NKAIN3: variants seen among roughly 807,000 people sequenced by gnomAD.
NKAIN3 encodes the protein sodium/potassium transporting ATPase interacting 3.
Under a neutral mutation model 30.2 loss-of-function variants are expected in NKAIN3, and 25 were observed. That is an observed-to-expected ratio of 0.83 (90% CI 0.60 to 1.16). NKAIN3 has a LOEUF of 1.16. Ranked by LOEUF, NKAIN3 falls within the 50% of genes most tolerant of loss-of-function variation. NKAIN3 has a pLI of 0.00. For missense variants in NKAIN3, 225 were observed against 254.1 expected, an observed-to-expected ratio of 0.89 and a Z score of 0.78; for synonymous variants, 91 against 89.6, an observed-to-expected ratio of 1.02 and a Z score of -0.09.
chr8:62,558,218 A>G (rs1293314080), intron 1 of NKAIN3, among the ~76,000 whole-genome samples: 6 of 152,020 alleles, frequency 3.9e-5, no homozygotes, highest in Non-Finnish European at 8.8e-5. Context: ...ATTTGGCTTT[A>G]AGTATTTGGG....
At chr8:62,828,560 G>A (rs988253903) in intron 4 of NKAIN3, among the ~76,000 whole-genome samples, 24 of 152,120 alleles carry the variant, frequency 1.6e-4, no homozygotes, top group Non-Finnish European at 3.1e-4. Flanking sequence ...GAAATAATGA[G>A]GTTAATATAA....
chr8:62,851,226 T>C lies in NKAIN3; in HGVS notation c.472-67227T>C, dbSNP rs547786901. Among the ~76,000 whole-genome samples the C allele has an allele frequency of 2.1e-3, 320 of 152,322 alleles. 2 individuals carry two copies. Among genetic ancestry groups the C allele is most frequent in the Middle Eastern group, 6.8e-3 (2 of 294 alleles). On this transcript the variant is annotated intron_variant, in intron 4 of 6. Coordinates refer to ENST00000623646, the MANE Select transcript of NKAIN3 (RefSeq NM_001304533.3). The stretch of plus-strand genomic sequence containing the variant: ...TTATTCTCTTTGAAGCAATTGTGAA[T>C]GGGAGTTCCCTCATGATTTGGCTCT...
At chr8:62,492,189 T>C (rs922222756) in intron 1 of NKAIN3, among the ~76,000 whole-genome samples, 4 of 152,046 alleles carry the variant, frequency 2.6e-5, no homozygotes, top group African/African-American at 7.2e-5. Context: ...GGGTCAGGGA[T>C]TTTAGTAGAG....
intron 4 of NKAIN3, among the ~76,000 whole-genome samples, chr8:62,878,767 T>G (rs1455615044): frequency 6.6e-6 from 1 of 150,416 alleles, no homozygotes; most frequent in Non-Finnish European, 1.5e-5. Context: ...CGGTGTTTGG[T>G]TTTTTGTCCT....
intron 3 of NKAIN3, among the ~76,000 whole-genome samples, chr8:62,625,173 G>A (rs549768749): frequency 6.8e-4 from 104 of 152,226 alleles, no homozygotes; most frequent in Admixed American, 4.6e-4. Context: ...TTAAAAGATA[G>A]ACATTATATA....
intron 1 of NKAIN3, among the ~76,000 whole-genome samples, chr8:62,574,652 C>T (rs1901409): frequency 0.52 from 79,644 of 151,832 alleles, 21,436 homozygotes; most frequent in Middle Eastern, 0.62. Flanking sequence ...TAATGATTTA[C>T]GTTTCCACCA....
intron 1 of NKAIN3, among the ~76,000 whole-genome samples, chr8:62,316,556 G>T (rs1354825984): frequency 6.6e-6 from 1 of 151,814 alleles, no homozygotes; most frequent in Non-Finnish European, 1.5e-5. Flanking sequence ...GTGATAGTTT[G>T]CTGAGAATGA....
In NKAIN3 at chr8:62,724,919, G is replaced by A. The variant is rs188328405; in HGVS notation, c.274-22013G>A. Among the ~76,000 whole-genome samples the A allele has an allele frequency of 4.2e-3, 639 of 152,098 alleles. 6 individuals are homozygous for A. The highest frequency in any genetic ancestry group is 0.015 in the African/African-American group (615 of 41,516). ...CACCAATGGGATTGCTGGATCACAT[G>A]ATAGCTTTTTTTTTTCAGTTTCTTT... On this transcript the variant is annotated intron_variant, in intron 3 of 6. Transcript: ENST00000623646.
intron 1 of NKAIN3, among the ~76,000 whole-genome samples, chr8:62,435,594 C>T: frequency 6.6e-6 from 1 of 152,124 alleles, no homozygotes; most frequent in East Asian, 1.9e-4. Context: ...TTTTTAGTCA[C>T]ATTCATGCCT....
rs1823759773 is a variant in NKAIN3 at position 62,968,470 on chromosome 8, G to T, written c.*3063G>T. 6.6e-6 allele frequency among the ~76,000 whole-genome samples: 1 copy of T among 152,204 alleles called. No individual in the cohort carries two copies. The highest frequency in any genetic ancestry group is 1.5e-5 in the Non-Finnish European group (1 of 68,036). Reference sequence around the variant, plus strand: ...AACCTCAGCTTCTCCATATGCAATTGTGTGTCTGGTCAGAGTAAGGGAAAA... The same window carrying T: ...AACCTCAGCTTCTCCATATGCAATTTTGTGTCTGGTCAGAGTAAGGGAAAA... On this transcript the variant is annotated 3_prime_UTR_variant, in exon 7 of 7. Coordinates refer to ENST00000623646, the MANE Select transcript of NKAIN3 (RefSeq NM_001304533.3).
chr8:62,814,590 C>T (rs1340987430), intron 4 of NKAIN3, among the ~76,000 whole-genome samples: 2 of 152,060 alleles, frequency 1.3e-5, no homozygotes, highest in South Asian at 2.1e-4. Context: ...CTCAAAACCA[C>T]TCAAATACAT....
At chr8:62,293,486 G>A (rs1813720971) in intron 1 of NKAIN3, among the ~76,000 whole-genome samples, 1 of 152,174 alleles carries the variant, frequency 6.6e-6, no homozygotes, top group African/African-American at 2.4e-5. Flanking sequence ...GTCTGTTGGA[G>A]TTTGCTGGAG....
intron 1 of NKAIN3, among the ~76,000 whole-genome samples, chr8:62,572,303 A>G (rs886264462): frequency 6.6e-6 from 1 of 152,196 alleles, no homozygotes; most frequent in Non-Finnish European, 1.5e-5. Flanking sequence ...CAAGTTCCAC[A>G]TCTCCTTCTG....
intron 3 of NKAIN3, among the ~76,000 whole-genome samples, chr8:62,638,270 C>G (rs542831224): frequency 6.6e-6 from 1 of 152,222 alleles, no homozygotes; most frequent in African/African-American, 2.4e-5. Flanking sequence ...TTTTCTCACA[C>G]TTGTCATTTT....
At chr8:62,617,115 A>C (rs1179908790) in intron 3 of NKAIN3, among the ~76,000 whole-genome samples, 1 of 152,130 alleles carries the variant, frequency 6.6e-6, no homozygotes, top group Non-Finnish European at 1.5e-5. Flanking sequence ...AAGCTCCCTG[A>C]GGCATCCTCA....
chr8:62,786,444 C>A (rs1206731116), intron 4 of NKAIN3, among the ~76,000 whole-genome samples: 1 of 152,032 alleles, frequency 6.6e-6, no homozygotes, highest in Non-Finnish European at 1.5e-5. Context: ...TAAGGGATTG[C>A]CACCTGCTTT....
chr8:62,642,962 G>C (rs186520317), intron 3 of NKAIN3, among the ~76,000 whole-genome samples: 14 of 152,130 alleles, frequency 9.2e-5, no homozygotes, highest in African/African-American at 3.4e-4. Flanking sequence ...ATATTATTAA[G>C]CACAAAAGGG....
At chr8:62,828,962 G>A (rs940131424) in intron 4 of NKAIN3, among the ~76,000 whole-genome samples, 4 of 152,158 alleles carry the variant, frequency 2.6e-5, no homozygotes, top group Non-Finnish European at 5.9e-5. Flanking sequence ...GGATGGAGAT[G>A]AGACATCCCA....
At chr8:62,788,671 T>A (rs1465255040) in intron 4 of NKAIN3, among the ~76,000 whole-genome samples, 2 of 152,250 alleles carry the variant, frequency 1.3e-5, no homozygotes, top group East Asian at 1.9e-4. Context: ...GTTTTAGGTC[T>A]AACATGTAAG....
Sources: gnomAD v4.1 joint callset for allele counts (sites outside exome capture counted in the v4.1 genomes callset) on GRCh38, gnomAD v4.1.1 for gene constraint, MANE v1.5 for transcripts, NCBI Gene and HGNC (gene_info 2026-07-23, HGNC 2026-07-21) for gene names.